The following PBRM1 variants were observed in gnomAD, a reference collection of about 807,000 sequenced individuals.
The protein encoded by PBRM1 is protein polybromo-1.
PBRM1 carries 27 observed loss-of-function variants against 194.5 expected under a neutral mutation model. The observed-to-expected ratio is 0.14, with a 90% CI of 0.10 to 0.19. The LOEUF is 0.19. PBRM1 is among the 10% of genes least tolerant of loss of function. The pLI, the probability that PBRM1 is intolerant of heterozygous loss-of-function variation, is 1.00. For synonymous variants in PBRM1, 655 were observed against 693.2 expected, an observed-to-expected ratio of 0.94 and a Z score of 0.87; for missense variants, 1,466 against 2,077.2, an observed-to-expected ratio of 0.71 and a Z score of 5.72.
At chr3:52,678,725 C>A (rs145442542) in intron 1 of PBRM1, 128 bp from the exon 3 acceptor site, 2 of 595,846 alleles carry the variant, frequency 3.4e-6, no homozygotes, top group Middle Eastern at 4.4e-4. Context: ...CTCAATATTA[C>A]CAAACATGCT....
In PBRM1 at chr3:52,643,231, AAC is replaced by A; in HGVS notation, c.995+15_995+16del. On this transcript the variant is annotated intron_variant, in intron 9 of 29. Transcript: ENST00000296302. ...TAAGCACAGGTCAACTCTCAGACTAAACACTCTTTTTCTCACCGGTAATACTT... is the reference window on the plus strand; with the variant it reads ...TAAGCACAGGTCAACTCTCAGACTAAACTCTTTTTCTCACCGGTAATACTT... 6.4e-7 allele frequency: 1 copy of A among 1,560,892 alleles called. No homozygotes were observed. The highest frequency in any genetic ancestry group is 8.8e-7 in the Non-Finnish European group (1 of 1,131,528).
chr3:52,641,882 A>C, intron 10 of PBRM1, 72 bp downstream of exon 11: 2 of 945,046 alleles, frequency 2.1e-6, no homozygotes, highest in South Asian at 2.6e-5. Context: ...GGCCAGAAAA[A>C]ATCACTGCAA....
intron 26 of PBRM1, among the ~76,000 whole-genome samples, chr3:52,557,627 T>C (rs1210466640): frequency 2.6e-5 from 4 of 152,132 alleles, no homozygotes; most frequent in South Asian, 2.1e-4. Flanking sequence ...TTTTCTTTTT[T>C]TTTTTCTTAA....
intron 22 of PBRM1, among the ~76,000 whole-genome samples, chr3:52,570,894 G>A (rs948662875): frequency 8.7e-5 from 12 of 137,592 alleles, no homozygotes; most frequent in East Asian, 2.1e-4. Flanking sequence ...TTGTTTCTTC[G>A]TTTTTTTTTT....
chr3:52,643,627 T>C (rs2096192181), intron 8 of PBRM1, among the ~76,000 whole-genome samples: 1 of 152,126 alleles, frequency 6.6e-6, no homozygotes, highest in Admixed American at 6.5e-5. Context: ...TCACCCAACC[T>C]TCCCATTTCA....
chr3:52,600,395 A>G (rs1679389440), intron 17 of PBRM1, among the ~76,000 whole-genome samples: 1 of 152,116 alleles, frequency 6.6e-6, no homozygotes, highest in Non-Finnish European at 1.5e-5. Context: ...AGTTATTACT[A>G]TTTCAAAAGA....
At chr3:52,656,255 C>T (rs1310201382) in intron 5 of PBRM1, among the ~76,000 whole-genome samples, 5 of 151,712 alleles carry the variant, frequency 3.3e-5, no homozygotes, top group East Asian at 1.9e-4. Flanking sequence ...GTACCTAATT[C>T]GTTTTTCTTT....
intron 16 of PBRM1, 83 bp from the exon 19 acceptor site, chr3:52,603,815 C>T (rs565227486): frequency 8.6e-7 from 1 of 1,163,326 alleles, no homozygotes. Context: ...CTATTAAATG[C>T]TTCTTTAATT....
At chr3:52,670,028 T>A (rs547531539) in intron 2 of PBRM1, among the ~76,000 whole-genome samples, 1 of 150,786 alleles carries the variant, frequency 6.6e-6, no homozygotes, top group Non-Finnish European at 1.5e-5. Flanking sequence ...GATAACTTAA[T>A]ATCCAAGATG....
chr3:52,616,969 A>G (rs775066189), intron 14 of PBRM1, among the ~76,000 whole-genome samples: 1 of 152,198 alleles, frequency 6.6e-6, no homozygotes, highest in Non-Finnish European at 1.5e-5. Context: ...TGCAAGTACT[A>G]TTATTAGCCC....
At chr3:52,621,805 A>C (rs550545932) in intron 13 of PBRM1, among the ~76,000 whole-genome samples, 1 of 152,176 alleles carries the variant, frequency 6.6e-6, no homozygotes, top group Non-Finnish European at 1.5e-5. Context: ...TAATCTCAGC[A>C]CTTTGGGAGG....
chr3:52,629,154 AT>A, intron 11 of PBRM1, 119 bp from the exon 13 acceptor site: 1 of 703,954 alleles, frequency 1.4e-6, no homozygotes, highest in South Asian at 2.0e-5. Context: ...GGTAATACTG[AT>A]TAGGAACTTA....
intron 7 of PBRM1, 73 bp downstream of exon 8, chr3:52,648,271 T>C: frequency 1.2e-6 from 1 of 859,376 alleles, no homozygotes; most frequent in South Asian, 1.5e-5. Context: ...AAAGTTGTTT[T>C]ATAAAAATTA....
At chr3:52,681,687 T>A (rs1039739401), upstream of PBRM1, 1 of 1,008,518 alleles carries the variant, frequency 9.9e-7, no homozygotes, top group African/African-American at 1.7e-5. Context: ...AGATAATCAG[T>A]AATTTACCAG....
At chr3:52,674,415 A>G (rs989441020) in intron 2 of PBRM1, among the ~76,000 whole-genome samples, 18 of 145,298 alleles carry the variant, frequency 1.2e-4, no homozygotes, top group Non-Finnish European at 1.8e-4. Flanking sequence ...TGGGAAACGG[A>G]GGTTGTGGTG....
At chr3:52,622,965 C>A (rs1473059707) in intron 13 of PBRM1, among the ~76,000 whole-genome samples, 1 of 152,182 alleles carries the variant, frequency 6.6e-6, no homozygotes, top group East Asian at 1.9e-4. Context: ...CTCATTTAAT[C>A]TTCAAATTCA....
At chr3:52,550,544 G>A in exon 29 of PBRM1, 1 of 1,565,292 alleles carries the variant, frequency 6.4e-7, no homozygotes, top group East Asian at 2.2e-5. Context: ...ACAAACATGG[G>A]TGTTGTTGGC....
chr3:52,653,362 G>C (rs1325784177), intron 5 of PBRM1, among the ~76,000 whole-genome samples: 2 of 152,092 alleles, frequency 1.3e-5, no homozygotes, highest in Non-Finnish European at 2.9e-5. Context: ...GGCTGAGGTG[G>C]GTGGATCACC....
At chr3:52,558,171 G>A (rs1422026101) in intron 26 of PBRM1, 78 bp downstream of exon 28, 2 of 1,025,786 alleles carry the variant, frequency 1.9e-6, no homozygotes, top group Non-Finnish European at 2.8e-6. Flanking sequence ...ATAGACTGTG[G>A]CCTACTCCTT....
Sources: allele counts gnomAD v4.1 joint callset (sites outside exome capture counted in the v4.1 genomes callset), GRCh38; gene constraint gnomAD v4.1.1; transcripts MANE v1.5; gene names NCBI Gene and HGNC (gene_info 2026-07-23, HGNC 2026-07-21).